The following DNAH6 variants were observed in gnomAD, a reference collection of about 807,000 sequenced individuals.
DNAH6 encodes axonemal beta dynein heavy chain 6.
Under a neutral mutation model 491.4 loss-of-function variants are expected in DNAH6, and 340 were observed. That is an observed-to-expected ratio of 0.69 (90% CI 0.63 to 0.76). The LOEUF (loss-of-function observed/expected upper bound fraction) is 0.76, where lower values mean the gene tolerates loss of function less well. Ranked by LOEUF, DNAH6 falls within the 30% of genes least tolerant of loss-of-function variation. DNAH6 has a pLI of 0.00. For synonymous variants in DNAH6, 1,603 were observed against 1,686.1 expected (o/e 0.95, Z 1.21); for missense variants, 4,443 against 4,972.2 (o/e 0.89, Z 3.20).
chr2:84,603,546 G>A (rs1334736815), intron 18 of DNAH6, among the ~76,000 whole-genome samples: 2 of 152,088 alleles, frequency 1.3e-5, no homozygotes, highest in East Asian at 3.9e-4. Flanking sequence ...GAGGTGAGAA[G>A]GAACATTCCC....
chr2:84,691,488 A>T (rs901272263), intron 45 of DNAH6, among the ~76,000 whole-genome samples: 1 of 152,246 alleles, frequency 6.6e-6, no homozygotes, highest in African/African-American at 2.4e-5. Context: ...ACTGTGGCAG[A>T]CACATAGCAA....
At chr2:84,708,482 G>GGGGGA (rs1553473261) in intron 54 of DNAH6, among the ~76,000 whole-genome samples, 2,211 of 101,000 alleles carry the variant, frequency 0.022, 69 homozygotes, top group Non-Finnish European at 0.034. Context: ...GAAAGGGGGG[G>GGGGGA]GGGAGGGAGG....
At chr2:84,586,676 T>C (rs1007966134) in intron 15 of DNAH6, among the ~76,000 whole-genome samples, 2 of 152,200 alleles carry the variant, frequency 1.3e-5, no homozygotes, top group African/African-American at 4.8e-5. Context: ...CAAAACACTT[T>C]AGGGTTTTAT....
intron 37 of DNAH6, among the ~76,000 whole-genome samples, chr2:84,662,303 G>T (rs1417810499): frequency 6.6e-6 from 1 of 152,138 alleles, no homozygotes; most frequent in Non-Finnish European, 1.5e-5. Flanking sequence ...GCAGGGTGGG[G>T]CATCACCTCA....
chr2:84,596,501 G>T (rs1053798878), intron 18 of DNAH6, among the ~76,000 whole-genome samples: 8 of 151,966 alleles, frequency 5.3e-5, no homozygotes, highest in African/African-American at 1.9e-4. Flanking sequence ...CTAATTTTTT[G>T]TGTTTTTTCA....
chr2:84,767,667 T>C (rs546439890), intron 64 of DNAH6, among the ~76,000 whole-genome samples: 7 of 151,938 alleles, frequency 4.6e-5, no homozygotes, highest in African/African-American at 1.5e-4. Context: ...GAAGAGAAGA[T>C]AAGAGGCAGA....
At chr2:84,623,698 T>C (rs116106910) in intron 26 of DNAH6, among the ~76,000 whole-genome samples, 6,405 of 152,224 alleles carry the variant, frequency 0.042, 441 homozygotes, top group African/African-American at 0.15. Flanking sequence ...AGCACAATGG[T>C]GCAAGGTCCT....
chr2:84,527,275 C>T (rs1436759354), intron 3 of DNAH6, among the ~76,000 whole-genome samples: 1 of 152,022 alleles, frequency 6.6e-6, no homozygotes, highest in African/African-American at 2.4e-5. Flanking sequence ...TGAATAAATG[C>T]TTTCTTTATT....
intron 19 of DNAH6, among the ~76,000 whole-genome samples, chr2:84,604,753 T>C (rs1558784853): frequency 6.6e-6 from 1 of 152,104 alleles, no homozygotes; most frequent in Non-Finnish European, 1.5e-5. Flanking sequence ...CTATAACACA[T>C]AGGAACTTGA....
Position 84,745,242 on chromosome 2 carries a change from A to G in DNAH6, c.10505A>G (p.Glu3502Gly). 6.7e-7 allele frequency: 1 copy of G among 1,491,348 alleles called. No individual in the cohort carries two copies. Among genetic ancestry groups the G allele is most frequent in the South Asian group, 1.4e-5 (1 of 72,522 alleles). 92.4% of individuals were successfully genotyped at this position (1,491,348 alleles called of 1,614,324 possible). A position where few individuals can be genotyped will look rare whatever the true frequency, so the allele number is the denominator to read the frequency against. Residue 3502 changes from glutamate to glycine, a missense_variant, in exon 63 of 77, where the codon GAA (glutamate) becomes GGA (glycine). Coordinates refer to ENST00000389394, the MANE Select transcript of DNAH6 (RefSeq NM_001370.2). ...CTAATTCTTATTAAATGTTGTAAAG[A>G]AGAAAAGGTAGGGCATTTTTTTAAT... ...HKLILIKCCKEEKVVFALTDF... is the reference protein window; with the variant it reads ...HKLILIKCCKGEKVVFALTDF...
At chr2:84,711,570 A>G (rs937158016) in intron 56 of DNAH6, among the ~76,000 whole-genome samples, 3 of 152,170 alleles carry the variant, frequency 2.0e-5, no homozygotes, top group African/African-American at 7.2e-5. Flanking sequence ...TGTTCTCAGT[A>G]TTTTATGTAT....
intron 35 of DNAH6, among the ~76,000 whole-genome samples, chr2:84,656,883 C>G (rs1473663949): frequency 6.6e-6 from 1 of 151,830 alleles, no homozygotes; most frequent in Non-Finnish European, 1.5e-5. Context: ...ATGGATGGTG[C>G]CTTTGGTGTC....
chr2:84,530,380 G>A (rs1558669188), intron 4 of DNAH6, among the ~76,000 whole-genome samples: 2 of 152,146 alleles, frequency 1.3e-5, no homozygotes, highest in Admixed American at 1.3e-4. Context: ...ATGTGGTGGT[G>A]CAGTTATGAG....
At chr2:84,703,703 T>TC in intron 50 of DNAH6, 141 bp downstream of exon 50, 1 of 745,658 alleles carries the variant, frequency 1.3e-6, no homozygotes, top group South Asian at 3.4e-5. Context: ...TTTTTTTTTT[T>TC]TAGCAATTTA....
chr2:84,648,885 T>G (rs1690146109), intron 33 of DNAH6, among the ~76,000 whole-genome samples: 1 of 152,212 alleles, frequency 6.6e-6, no homozygotes, highest in Non-Finnish European at 1.5e-5. Flanking sequence ...GTGAGTAAAA[T>G]GCTATCAAAC....
chr2:84,689,182 A>G (rs1694600461), intron 45 of DNAH6, among the ~76,000 whole-genome samples: 1 of 152,186 alleles, frequency 6.6e-6, no homozygotes, highest in Non-Finnish European at 1.5e-5. Flanking sequence ...TCTGGTATCC[A>G]TCCCATCCTG....
intron 32 of DNAH6, among the ~76,000 whole-genome samples, chr2:84,641,580 G>A (rs771283568): frequency 2.0e-4 from 31 of 152,168 alleles, no homozygotes; most frequent in Non-Finnish European, 3.5e-4. Flanking sequence ...TCACTGGGCT[G>A]GGTTTCGCAG....
At chr2:84,741,141 C>T (rs1672491630) in intron 62 of DNAH6, among the ~76,000 whole-genome samples, 1 of 151,980 alleles carries the variant, frequency 6.6e-6, no homozygotes, top group Non-Finnish European at 1.5e-5. Context: ...AGGCATTGGA[C>T]ATTGTCCTAG....
chr2:84,617,391 A>G (rs1426473279), intron 23 of DNAH6, among the ~76,000 whole-genome samples: 1 of 152,090 alleles, frequency 6.6e-6, no homozygotes. Flanking sequence ...TAAATGCACA[A>G]TTAAATTATT....
Sources: allele counts gnomAD v4.1 joint callset (sites outside exome capture counted in the v4.1 genomes callset), GRCh38; gene constraint gnomAD v4.1.1; transcripts MANE v1.5; gene names NCBI Gene and HGNC (gene_info 2026-07-23, HGNC 2026-07-21).